The following CD6 variants were observed in gnomAD, a reference collection of about 807,000 sequenced individuals.
CD6 encodes T-cell differentiation antigen CD6.
A neutral mutation model predicts 75.3 loss-of-function variants in CD6; 53 were observed. The ratio of observed to expected loss-of-function variants is 0.70; its 90% CI spans 0.56 to 0.88. CD6 has a LOEUF of 0.88. Among genes scored for constraint, CD6 ranks in the 40% least tolerant of loss-of-function variants. The pLI is 0.00. For missense variants in CD6, 770 were observed against 897.1 expected, an observed-to-expected ratio of 0.86 and a Z score of 1.81; for synonymous variants, 359 against 381.5, an observed-to-expected ratio of 0.94 and a Z score of 0.69.
At chr11:61,018,048 G>T (rs1461110569) in intron 11 of CD6, 35 bp downstream of exon 11, 2 of 1,601,570 alleles carry the variant, frequency 1.2e-6, no homozygotes, top group Admixed American at 3.4e-5. Flanking sequence ...CCATCCCATA[G>T]CCAGCCTGGC....
chr11:61,018,077 G>A, intron 11 of CD6, 64 bp downstream of exon 11: 1 of 1,575,888 alleles, frequency 6.3e-7, no homozygotes, highest in Non-Finnish European at 8.6e-7. Context: ...GCATAAAGCT[G>A]GGAGCCCTGA....
intron 1 of CD6, among the ~76,000 whole-genome samples, chr11:60,986,857 G>A (rs980773717): frequency 2.0e-5 from 3 of 152,314 alleles, no homozygotes; most frequent in East Asian, 1.9e-4. Flanking sequence ...CCCTGGCGCC[G>A]TGGCGCACAG....
chr11:61,009,894 C>A lies in CD6; in HGVS notation c.1084+20C>A, dbSNP rs375992892. The stretch of plus-strand genomic sequence containing the variant: ...GCTCAGGTACCCCATCCTACTCCAC[C>A]CCCCCAGATTTGAGCCAGAATTCTA... On this transcript the variant is annotated intron_variant, in intron 5 of 12. Transcript: ENST00000313421. 2 of 1,524,374 alleles carry A rather than the reference C, an allele frequency of 1.3e-6. No homozygotes were observed. Among genetic ancestry groups the A allele is most frequent in the South Asian group, 1.3e-5 (1 of 76,406 alleles). 94.4% of individuals were successfully genotyped at this position (1,524,374 alleles called of 1,614,324 possible).
At chr11:60,975,241 G>A (rs1857322285) in intron 1 of CD6, among the ~76,000 whole-genome samples, 1 of 152,174 alleles carries the variant, frequency 6.6e-6, no homozygotes, top group South Asian at 2.1e-4. Context: ...CCTTACAAAT[G>A]TAGCTAATCA....
intron 1 of CD6, among the ~76,000 whole-genome samples, chr11:61,005,792 G>A (rs189090384): frequency 9.3e-4 from 142 of 152,218 alleles, no homozygotes; most frequent in African/African-American, 2.9e-3. Flanking sequence ...TTAGCCAGGC[G>A]TGGTGGCGCA....
At chr11:61,015,441 C>T in intron 8 of CD6, 1 of 383,604 alleles carries the variant, frequency 2.6e-6, no homozygotes, top group Middle Eastern at 6.4e-4. Context: ...CGTGATGGTG[C>T]ATGCCTGTGG....
intron 1 of CD6, among the ~76,000 whole-genome samples, chr11:60,982,928 C>T (rs933472628): frequency 6.6e-5 from 10 of 151,998 alleles, no homozygotes; most frequent in African/African-American, 2.4e-4. Flanking sequence ...CCACCCCCAC[C>T]CCTAGAGAGA....
chr11:61,003,435 A>G (rs889069160), intron 1 of CD6, among the ~76,000 whole-genome samples: 1 of 152,166 alleles, frequency 6.6e-6, no homozygotes. Context: ...AGGGCCAGGC[A>G]AAAGTGGTAA....
chr11:61,011,178 C>CGTGTGTGAGT (rs1859128083), intron 6 of CD6, 43 bp downstream of exon 6: 14 of 898,762 alleles, frequency 1.6e-5, no homozygotes, highest in Non-Finnish European at 2.5e-5. Context: ...GAAGCTTGGA[C>CGTGTGTGAGT]GTGTGTGTGT....
intron 1 of CD6, among the ~76,000 whole-genome samples, chr11:60,976,706 TCCC>T (rs1050932685): frequency 2.0e-5 from 3 of 152,148 alleles, no homozygotes; most frequent in African/African-American, 7.2e-5. Context: ...AAGATATGGT[TCCC>T]CTGTGTTGCT....
At chr11:61,003,328 A>T (rs1440260870) in intron 1 of CD6, among the ~76,000 whole-genome samples, 2 of 152,248 alleles carry the variant, frequency 1.3e-5, no homozygotes, top group Non-Finnish European at 2.9e-5. Flanking sequence ...TTTCCAACAC[A>T]TGAACCTTGG....
Position 61,019,589 on chromosome 11 carries a change from C to T in CD6, c.*271C>T, listed in dbSNP as rs1859580418. The T allele has an allele frequency of 2.6e-6, 1 of 381,146 alleles. No homozygotes were observed. Among genetic ancestry groups the T allele is most frequent in the African/African-American group, 2.0e-5 (1 of 48,800 alleles). The allele number at this position is 381,146 out of a possible 1,614,324, so 23.6% of individuals were successfully genotyped here. On this transcript the variant is annotated 3_prime_UTR_variant, in exon 13 of 13. Transcript: ENST00000313421. ...GTGAGCCCTCTGTCTCGGGGATGAA[C>T]AAGCAGAGTCTGGGCTACCTCTTGA... is the stretch of plus-strand genomic sequence containing the variant.
At chr11:60,979,447 A>G (rs1288142605) in intron 1 of CD6, among the ~76,000 whole-genome samples, 1 of 150,956 alleles carries the variant, frequency 6.6e-6, no homozygotes, top group East Asian at 1.9e-4. Context: ...AGCAGGCTCC[A>G]TATTTTGTTT....
chr11:61,007,709 G>C lies in CD6; in HGVS notation c.268G>C (p.Gly90Arg). The change falls in exon 3 of 13, where the codon GGG becomes CGG. Residue 90 changes from glycine (G) to arginine (R), a missense_variant. Transcript: ENST00000313421. This position sits in a 1 kb window ranked among gnomAD's most constrained non-coding sequence, Gnocchi z 4.2. The part of the protein sequence containing the change: ...EAVCRALGCG[G>R]AEAASQLAPP... ...CGTGTGCCGAGCACTGGGCTGCGGC[G>C]GGGCGGAGGCCGCCTCTCAGCTCGC... 2.2e-6 allele frequency: 3 copies of C among 1,390,942 alleles called. No homozygotes were observed. The highest frequency in any genetic ancestry group is 2.8e-6 in the Non-Finnish European group (3 of 1,072,662). 86.2% of individuals were successfully genotyped at this position (1,390,942 alleles called of 1,614,324 possible). A position where few individuals can be genotyped will look rare whatever the true frequency, so the allele number is the denominator to read the frequency against.
At position 61,008,656 on chromosome 11, in the gene CD6, G is replaced by C. The variant is rs781198543; in HGVS notation, c.592G>C (p.Val198Leu). The change falls in exon 4 of 13, where the codon GTG (valine) becomes CTG (leucine). Residue 198 changes from valine to leucine, a missense_variant. Coordinates refer to ENST00000313421, the MANE Select transcript of CD6 (RefSeq NM_006725.5). ...DTWDLEDAHV[V>L]CRQLGCGWAV... is the part of the protein sequence containing the mutation. ...TTGGGACCTGGAGGACGCCCACGTG[G>C]TGTGCAGGCAACTGGGCTGCGGCTG... 6.2e-7 allele frequency: 1 copy of C among 1,608,582 alleles called. No homozygotes were observed. The highest frequency in any genetic ancestry group is 2.2e-5 in the East Asian group (1 of 44,688).
intron 1 of CD6, among the ~76,000 whole-genome samples, chr11:60,999,381 G>T (rs898845968): frequency 1.3e-5 from 2 of 150,640 alleles, no homozygotes; most frequent in Non-Finnish European, 3.0e-5. Flanking sequence ...AATTAAATGT[G>T]GCTGGGCCCA....
intron 1 of CD6, among the ~76,000 whole-genome samples, chr11:60,979,478 T>C (rs1857486699): frequency 2.7e-5 from 4 of 150,644 alleles, no homozygotes; most frequent in South Asian, 2.1e-4. Flanking sequence ...TTTTTTTTTT[T>C]CTTTTTGAGA....
rs763262391 is a variant in CD6, at chr11:61,019,321, C to T, written c.*3C>T. ...ACGATGACATCAGCGCAGCCTAGGC[C>T]GGGGCCAGCCGAGGCTCCTGGGGTG... On this transcript the variant is annotated 3_prime_UTR_variant, in exon 13 of 13. Coordinates refer to ENST00000313421, the MANE Select transcript of CD6 (RefSeq NM_006725.5). 8.7e-6 allele frequency: 14 copies of T among 1,605,594 alleles called. No individual in the cohort carries two copies. The highest frequency in any genetic ancestry group is 7.7e-5 in the South Asian group (7 of 90,996).
At chr11:60,989,764 C>T (rs916283562) in intron 1 of CD6, among the ~76,000 whole-genome samples, 3 of 152,164 alleles carry the variant, frequency 2.0e-5, no homozygotes, top group Non-Finnish European at 4.4e-5. Flanking sequence ...CCTGCTCTGC[C>T]TCTTAGGGGC....
Sources: gnomAD v4.1 joint callset for allele counts (sites outside exome capture counted in the v4.1 genomes callset) on GRCh38, gnomAD v4.1.1 for gene constraint, Gnocchi (gnomAD v3.1) non-coding constraint, MANE v1.5 for transcripts, NCBI Gene and HGNC (gene_info 2026-07-23, HGNC 2026-07-21) for gene names.